The following PLEKHG4B variants were observed in gnomAD, a reference collection of about 807,000 sequenced individuals.
The protein encoded by PLEKHG4B is pleckstrin homology domain-containing family G member 4B.
In PLEKHG4B, 111 loss-of-function variants were observed where a neutral mutation model predicts 121.3. That is an observed-to-expected ratio of 0.92 (90% CI 0.78 to 1.07). The LOEUF (loss-of-function observed/expected upper bound fraction) is 1.07, where lower values mean the gene tolerates loss of function less well. PLEKHG4B is among the 50% of genes least tolerant of loss of function. The pLI is 0.00. For synonymous variants in PLEKHG4B, 738 were observed against 725.0 expected (o/e 1.02, Z -0.29); for missense variants, 1,831 against 1,757.8 (o/e 1.04, Z -0.74).
chr5:171,860 T>G, intron 16 of PLEKHG4B, among the ~76,000 whole-genome samples: 1 of 152,188 alleles, frequency 6.6e-6, no homozygotes, highest in East Asian at 1.9e-4. Flanking sequence ...CTTGGCTCGT[T>G]CATACGGGCC....
intron 1 of PLEKHG4B, among the ~76,000 whole-genome samples, chr5:109,934 C>T (rs371551182): frequency 3.9e-5 from 6 of 151,936 alleles, no homozygotes; most frequent in African/African-American, 9.7e-5. Context: ...CAGCAACACA[C>T]GTGCACACAC....
At chr5:133,339 A>G (rs1734832720) in intron 2 of PLEKHG4B, among the ~76,000 whole-genome samples, 1 of 152,156 alleles carries the variant, frequency 6.6e-6, no homozygotes, top group Non-Finnish European at 1.5e-5. Flanking sequence ...TCAACCAAAA[A>G]CGACAGTTCG....
At chr5:118,901 A>G (rs1027986936) in intron 2 of PLEKHG4B, among the ~76,000 whole-genome samples, 1 of 150,566 alleles carries the variant, frequency 6.6e-6, no homozygotes, top group Admixed American at 6.6e-5. Context: ...CCCAGGCTGG[A>G]GTGCAGTGGT....
intron 14 of PLEKHG4B, among the ~76,000 whole-genome samples, chr5:169,798 C>T (rs929922205): frequency 1.3e-5 from 2 of 152,244 alleles, no homozygotes; most frequent in African/African-American, 2.4e-5. Context: ...CGGTGCTTTG[C>T]GCGTGGTGTG....
chr5:93,172 G>A (rs1733523647), intron 1 of PLEKHG4B, among the ~76,000 whole-genome samples: 1 of 152,062 alleles, frequency 6.6e-6, no homozygotes, highest in African/African-American at 2.4e-5. Context: ...TCATTGAAAC[G>A]GTGCATAATT....
intron 14 of PLEKHG4B, 73 bp downstream of exon 14, chr5:169,665 A>G: frequency 9.5e-6 from 15 of 1,577,310 alleles, no homozygotes; most frequent in African/African-American, 1.3e-5. Flanking sequence ...CGGGGCCTAC[A>G]GGGCCCACGT....
At chr5:173,294 G>A (rs1436755315) in intron 17 of PLEKHG4B, among the ~76,000 whole-genome samples, 2 of 152,196 alleles carry the variant, frequency 1.3e-5, no homozygotes, top group East Asian at 3.9e-4. Context: ...GTCCAGTCCA[G>A]GGGCTGAGAA....
In PLEKHG4B at chr5:140,628, C is replaced by T. The variant is rs775551516; in HGVS notation, c.1389C>T (p.Gly463=). ...GCCACACCTCCCACCACTCAGCAGG[C>T]TCCAGGCCTGGGGGCCACCTAGGAG... ...AACHTSHHSA[G]SRPGGHLGGQ... is the part of the protein sequence containing the mutation. The change falls in exon 3 of 20, where the codon GGC becomes GGT. Residue 463 remains glycine, a synonymous_variant. Transcript: ENST00000637938. The T allele has an allele frequency of 1.9e-6, 3 of 1,610,606 alleles. No homozygotes were observed. Among genetic ancestry groups the T allele is most frequent in the Admixed American group, 1.7e-5 (1 of 59,812 alleles).
chr5:134,777 A>G lies in PLEKHG4B; in HGVS notation c.244-4706A>G, dbSNP rs555741463. 8.6e-4 allele frequency among the ~76,000 whole-genome samples: 127 copies of G among 147,378 alleles called. 2 individuals are homozygous for G. The highest frequency in any genetic ancestry group is 3.0e-3 in the African/African-American group (115 of 38,932). ...TGAGACTCTGTCTCAAAAAAAAAAA[A>G]AAAAGAAAAGAAAAGTAAAACCTGT... On this transcript the variant is annotated intron_variant, in intron 2 of 19. Coordinates refer to ENST00000637938, the MANE Select transcript of PLEKHG4B (RefSeq NM_052909.5).
chr5:181,791 C>T (rs1433123850), intron 19 of PLEKHG4B, 116 bp downstream of exon 19: 41 of 1,426,766 alleles, frequency 2.9e-5, no homozygotes, highest in Non-Finnish European at 3.7e-5. Context: ...GTGCACCAGG[C>T]CTGTCGTCAA....
intron 1 of PLEKHG4B, among the ~76,000 whole-genome samples, chr5:92,680 AAATAACGCTTTCTGG>A (rs983305123): frequency 1.3e-5 from 2 of 151,506 alleles, no homozygotes; most frequent in African/African-American, 4.9e-5. Flanking sequence ...TCGGGAGAAG[AAATAACGCTTTCTGG>A]ACAGATTTGC....
At chr5:172,257 G>A (rs1396009766) in intron 16 of PLEKHG4B, among the ~76,000 whole-genome samples, 1 of 152,214 alleles carries the variant, frequency 6.6e-6, no homozygotes, top group African/African-American at 2.4e-5. Context: ...GAGCCCTAGG[G>A]GCGTCCATGG....
At chr5:162,071 G>A in intron 12 of PLEKHG4B, 127 bp downstream of exon 12, 8 of 1,249,578 alleles carry the variant, frequency 6.4e-6, no homozygotes, top group Non-Finnish European at 8.6e-6. Flanking sequence ...ACCTGCGATG[G>A]AGCCCCCCTG....
chr5:130,413 T>C (rs1377333350), intron 2 of PLEKHG4B, among the ~76,000 whole-genome samples: 1 of 152,166 alleles, frequency 6.6e-6, no homozygotes, highest in Non-Finnish European at 1.5e-5. Flanking sequence ...TGTAAATTGG[T>C]TTCATACCAC....
At position 181,621 on chromosome 5, in the gene PLEKHG4B, C is replaced by T. The variant is rs200230344; in HGVS notation, c.4510C>T (p.Pro1504Ser). 2.2e-4 allele frequency: 347 copies of T among 1,613,634 alleles called. No homozygotes were observed. Among genetic ancestry groups the T allele is most frequent in the Non-Finnish European group, 2.7e-4 (316 of 1,179,758 alleles). The stretch of plus-strand genomic sequence containing the variant: ...CTGTGCAGTGATAAGCGACCGGGCT[C>T]CCAAATGTGCAGTGATGAGCGACCG... ...PDCAVISDRA[P>S]KCAVMSDRVP... The change falls in exon 19 of 20, where the codon CCC (proline) becomes TCC (serine). Residue 1504 changes from proline (P) to serine (S), a missense_variant. Coordinates refer to ENST00000637938, the MANE Select transcript of PLEKHG4B (RefSeq NM_052909.5).
chr5:143,612 C>A, intron 5 of PLEKHG4B, 109 bp downstream of exon 5: 1 of 1,314,472 alleles, frequency 7.6e-7, no homozygotes, highest in Admixed American at 2.0e-5. Context: ...CCAGACTCTG[C>A]CTCTCCTAAC....
In PLEKHG4B at chr5:92,514, A is replaced by G. The variant is rs1463718022; in HGVS notation, c.45+238A>G. ...GTAGGGGCGGGGTGAAGGCGCGAGC[A>G]TCAAGGCGGGCGGGCGCGGGGACTG... On this transcript the variant is annotated intron_variant, in intron 1 of 19. Transcript: ENST00000637938. Among the ~76,000 whole-genome samples, 246 of 30,328 alleles carry G rather than the reference A, an allele frequency of 8.1e-3. 5 individuals are homozygous for G. The highest frequency in any genetic ancestry group is 0.032 in the African/African-American group (231 of 7,292). The allele number at this position is 30,328 out of a possible 152,430, so 19.9% of individuals were successfully genotyped here.
intron 17 of PLEKHG4B, among the ~76,000 whole-genome samples, 153 bp from the exon 18 acceptor site, chr5:173,765 G>A (rs752609856): frequency 6.6e-6 from 1 of 152,050 alleles, no homozygotes; most frequent in Admixed American, 6.6e-5. Context: ...TCACACACTC[G>A]TGAGCAGTGT....
At chr5:97,909 C>A (rs1363193964) in intron 1 of PLEKHG4B, among the ~76,000 whole-genome samples, 1 of 152,114 alleles carries the variant, frequency 6.6e-6, no homozygotes, top group Admixed American at 6.5e-5. Context: ...CCAGCAAGTG[C>A]ACAGGTGCAA....
Sources: gnomAD v4.1 joint callset for allele counts (sites outside exome capture counted in the v4.1 genomes callset) on GRCh38, gnomAD v4.1.1 for gene constraint, MANE v1.5 for transcripts, NCBI Gene and HGNC (gene_info 2026-07-23, HGNC 2026-07-21) for gene names.